Variants in MAD1L1 observed in about 807,000 individuals in gnomAD.
The protein encoded by MAD1L1 is mitotic arrest deficient 1 like 1.
A neutral mutation model predicts 96.9 loss-of-function variants in MAD1L1; 95 were observed. The observed-to-expected ratio is 0.98, with a 90% CI of 0.83 to 1.16. The LOEUF (loss-of-function observed/expected upper bound fraction) is 1.16, where lower values mean the gene tolerates loss of function less well. MAD1L1 is among the 50% of genes most tolerant of loss of function. MAD1L1 has a pLI of 0.00. For missense variants in MAD1L1, 1,007 were observed against 954.4 expected (o/e 1.06, Z -0.73); for synonymous variants, 473 against 396.6 (o/e 1.19, Z -2.29).
chr7:1,888,616 G>A (rs913823712), intron 18 of MAD1L1, among the ~76,000 whole-genome samples: 1 of 152,186 alleles, frequency 6.6e-6, no homozygotes, highest in Non-Finnish European at 1.5e-5. Flanking sequence ...ATGCATGTGT[G>A]AGCATGCATG....
At chr7:1,988,641 C>T (rs1230757610) in intron 14 of MAD1L1, among the ~76,000 whole-genome samples, 1 of 152,206 alleles carries the variant, frequency 6.6e-6, no homozygotes, top group Non-Finnish European at 1.5e-5. Flanking sequence ...GGCCGCGCTC[C>T]AGGGTGGCCC....
intron 16 of MAD1L1, among the ~76,000 whole-genome samples, chr7:1,943,336 G>A (rs1335762360): frequency 6.6e-6 from 1 of 152,212 alleles, no homozygotes; most frequent in Non-Finnish European, 1.5e-5. Context: ...CACAGAATGG[G>A]AGAAAATGTC....
intron 11 of MAD1L1, among the ~76,000 whole-genome samples, chr7:2,075,292 C>A (rs920985705): frequency 6.6e-6 from 1 of 152,182 alleles, no homozygotes; most frequent in Non-Finnish European, 1.5e-5. Flanking sequence ...CCCACCCAGG[C>A]GTGCAGGTAG....
chr7:1,912,946 T>G (rs6944877), intron 17 of MAD1L1, among the ~76,000 whole-genome samples: 69,294 of 151,748 alleles, frequency 0.46, 16,071 homozygotes, highest in Admixed American at 0.55. Flanking sequence ...CATGCCGCGT[T>G]CATGATTAAT....
At chr7:2,115,510 G>T (rs138326215) in intron 11 of MAD1L1, among the ~76,000 whole-genome samples, 1 of 142,506 alleles carries the variant, frequency 7.0e-6, no homozygotes, top group Non-Finnish European at 1.5e-5. Flanking sequence ...CAGAGGAGGC[G>T]CTGGACAGGG....
intron 18 of MAD1L1, among the ~76,000 whole-genome samples, chr7:1,861,188 G>T (rs1390420173): frequency 2.0e-5 from 3 of 152,202 alleles, no homozygotes; most frequent in Non-Finnish European, 4.4e-5. Context: ...CGGGGCTGAG[G>T]CTGGGGCTCG....
At chr7:1,942,977 C>T (rs952498205) in intron 16 of MAD1L1, among the ~76,000 whole-genome samples, 7 of 152,192 alleles carry the variant, frequency 4.6e-5, no homozygotes, top group Admixed American at 6.5e-5. Context: ...ACCAACCACA[C>T]GTTCATGTTA....
chr7:1,935,473 C>G (rs1374829573), intron 17 of MAD1L1, among the ~76,000 whole-genome samples: 1 of 152,210 alleles, frequency 6.6e-6, no homozygotes, highest in Non-Finnish European at 1.5e-5. Context: ...AGCCACTAAG[C>G]CCCTACCTGC....
At chr7:1,913,072 C>T (rs1408456011) in intron 17 of MAD1L1, among the ~76,000 whole-genome samples, 3 of 152,230 alleles carry the variant, frequency 2.0e-5, no homozygotes, top group African/African-American at 7.2e-5. Context: ...GTCAATCTGT[C>T]TGCTTTCGGC....
intron 11 of MAD1L1, among the ~76,000 whole-genome samples, chr7:2,090,743 G>A (rs756501421): frequency 2.6e-5 from 4 of 152,202 alleles, no homozygotes; most frequent in African/African-American, 4.8e-5. Context: ...AACCACAGAC[G>A]CAGCGTCCCC....
At chr7:2,000,614 TCC>T (rs1781751103) in intron 14 of MAD1L1, among the ~76,000 whole-genome samples, 1 of 152,148 alleles carries the variant, frequency 6.6e-6, no homozygotes, top group African/African-American at 2.4e-5. Flanking sequence ...ATGCGGCTCC[TCC>T]ATTCGCCACC....
At chr7:2,122,524 C>T (rs953553983) in intron 11 of MAD1L1, among the ~76,000 whole-genome samples, 1 of 152,008 alleles carries the variant, frequency 6.6e-6, no homozygotes, top group African/African-American at 2.4e-5. Context: ...ATCACTTGAA[C>T]CCGGGAGGCG....
chr7:2,183,145 A>G (rs1357743127), intron 10 of MAD1L1, among the ~76,000 whole-genome samples: 16 of 151,864 alleles, frequency 1.1e-4, no homozygotes, highest in Admixed American at 1.0e-3. Context: ...CCCAGGAGTT[A>G]GAGGCTGCTG....
intron 10 of MAD1L1, among the ~76,000 whole-genome samples, chr7:2,193,697 T>C (rs865787440): frequency 5.3e-5 from 8 of 152,290 alleles, no homozygotes; most frequent in Middle Eastern, 3.4e-3. Context: ...TCCAGATTCC[T>C]CCGGAAAACC....
intron 3 of MAD1L1, among the ~76,000 whole-genome samples, chr7:2,228,644 T>C (rs942795580): frequency 4.1e-5 from 4 of 96,804 alleles, no homozygotes; most frequent in Non-Finnish European, 2.0e-5. Flanking sequence ...ACATAAATAT[T>C]ATATATATAC....
chr7:2,104,318 C>G (rs972525952), intron 11 of MAD1L1, among the ~76,000 whole-genome samples: 2 of 152,262 alleles, frequency 1.3e-5, no homozygotes, highest in Non-Finnish European at 2.9e-5. Context: ...GGAGAGAAAA[C>G]ACAGGAAGAC....
chr7:1,907,972 G>GC (rs1787775372), intron 17 of MAD1L1, among the ~76,000 whole-genome samples: 1 of 152,220 alleles, frequency 6.6e-6, no homozygotes, highest in African/African-American at 2.4e-5. Context: ...GGAGACAGCG[G>GC]CCCGTGACCC....
At chr7:2,061,292 G>A (rs1784649307) in intron 12 of MAD1L1, among the ~76,000 whole-genome samples, 1 of 152,132 alleles carries the variant, frequency 6.6e-6, no homozygotes, top group South Asian at 2.1e-4. Flanking sequence ...AGCCAAGATT[G>A]AGCCATTGCA....
intron 16 of MAD1L1, among the ~76,000 whole-genome samples, chr7:1,938,997 A>G (rs1215279617): frequency 1.5e-5 from 2 of 133,766 alleles, no homozygotes; most frequent in Admixed American, 7.7e-5. Flanking sequence ...GCGCACACAC[A>G]CGCACACACA....
Sources: gnomAD v4.1 joint callset for allele counts (sites outside exome capture counted in the v4.1 genomes callset) on GRCh38, gnomAD v4.1.1 for gene constraint, MANE v1.5 for transcripts, NCBI Gene and HGNC (gene_info 2026-07-23, HGNC 2026-07-21) for gene names.